Variants in CCT6B observed in about 807,000 individuals in gnomAD.
CCT6B encodes chaperonin containing TCP1 subunit 6B, also known as probable T-complex protein 1 subunit zeta-2.
Under a neutral mutation model 61.5 loss-of-function variants are expected in CCT6B, and 49 were observed. The observed-to-expected ratio is 0.80, with a 90% CI of 0.63 to 1.01. CCT6B has a LOEUF of 1.01. Among genes scored for constraint, CCT6B ranks in the 50% least tolerant of loss-of-function variants. CCT6B has a pLI of 0.00. For synonymous variants in CCT6B, 228 were observed against 214.5 expected, an observed-to-expected ratio of 1.06 and a Z score of -0.55; for missense variants, 666 against 634.7, an observed-to-expected ratio of 1.05 and a Z score of -0.53.
chr17:34,937,928 G>A (rs956512315), intron 10 of CCT6B, among the ~76,000 whole-genome samples: 8 of 148,618 alleles, frequency 5.4e-5, no homozygotes, highest in Admixed American at 2.0e-4. Context: ...TCACTCTGAC[G>A]CCCAGGCTGG....
At position 34,952,049 on chromosome 17, in the gene CCT6B, A is replaced by G; in HGVS notation, c.515T>C (p.Val172Ala). Residue 172 changes from valine to alanine, a missense_variant, in exon 5 of 14, where the codon GTG (valine) becomes GCG (alanine). Val to Ala is a moderately conservative substitution (Grantham distance 64). Transcript: ENST00000314144. ...AELADVLTEV[V>A]VDSVLAVRRP... ...TCTAACAGCCAAAACAGAATCCACCACAACCTGAAAGAGAAATGAATGAGA... is the reference window on the plus strand; with the variant it reads ...TCTAACAGCCAAAACAGAATCCACCGCAACCTGAAAGAGAAATGAATGAGA... The G allele has an allele frequency of 6.3e-7, 1 of 1,587,428 alleles. No homozygotes were observed. Among genetic ancestry groups the G allele is most frequent in the Non-Finnish European group, 8.6e-7 (1 of 1,156,884 alleles).
At chr17:34,940,319 G>A (rs1295121994) in intron 8 of CCT6B, among the ~76,000 whole-genome samples, 1 of 152,046 alleles carries the variant, frequency 6.6e-6, no homozygotes, top group African/African-American at 2.4e-5. Flanking sequence ...GTTTTAAAAA[G>A]ATAAAAACTT....
In CCT6B at chr17:34,940,539, C is replaced by T. The variant is rs2090151609; in HGVS notation, c.968G>A (p.Arg323Lys). 2 of 1,530,630 alleles carry T rather than the reference C, an allele frequency of 1.3e-6. No individual in the cohort carries two copies. Among genetic ancestry groups the T allele is most frequent in the African/African-American group, 1.4e-5 (1 of 71,862 alleles). The allele number at this position is 1,530,630 out of a possible 1,614,324, so 94.8% of individuals were successfully genotyped here. Residue 323 changes from arginine to lysine, a missense_variant and splice_region_variant, in exon 8 of 14, where the codon AGA becomes AAA. Coordinates refer to ENST00000314144, the MANE Select transcript of CCT6B (RefSeq NM_006584.4). ...LRRAKRRNMERLSLACGGMAV... is the reference protein window; with the variant it reads ...LRRAKRRNMEKLSLACGGMAV... The stretch of plus-strand genomic sequence containing the variant: ...GATATATAATTATCTGCAAGCTTAC[C>T]TTTCCATATTTCTTCTTTTTGCTCT...
At chr17:34,936,396 T>C (rs541193922) in intron 10 of CCT6B, among the ~76,000 whole-genome samples, 3 of 152,294 alleles carry the variant, frequency 2.0e-5, no homozygotes, top group South Asian at 4.1e-4. Flanking sequence ...GGAAAGGATG[T>C]CCATTCTCAT....
At position 34,951,363 on chromosome 17, in the gene CCT6B, G is replaced by A. The variant is rs185942676; in HGVS notation, c.614+587C>T. On this transcript the variant is annotated intron_variant, in intron 5 of 13. Coordinates refer to ENST00000314144, the MANE Select transcript of CCT6B (RefSeq NM_006584.4). ...TCAAAATAATCCTAGGTGGGAGGGG[G>A]AAAGAGGGAAGGGTATGCTTCATAT... is the stretch of plus-strand genomic sequence containing the variant. 4.3e-4 allele frequency among the ~76,000 whole-genome samples: 65 copies of A among 152,324 alleles called. No homozygotes were observed. The East Asian group carries it at 0.013, about 29-fold the overall frequency.
intron 5 of CCT6B, among the ~76,000 whole-genome samples, chr17:34,950,701 C>T (rs946440556): frequency 6.6e-6 from 1 of 152,096 alleles, no homozygotes; most frequent in African/African-American, 2.4e-5. Flanking sequence ...AAGGCCGAGG[C>T]GGGTGGATCA....
chr17:34,948,419 T>C (rs1459500227), intron 5 of CCT6B, among the ~76,000 whole-genome samples: 1 of 151,958 alleles, frequency 6.6e-6, no homozygotes, highest in Non-Finnish European at 1.5e-5. Context: ...CAAATACTAA[T>C]TAAAAGAAAA....
intron 3 of CCT6B, among the ~76,000 whole-genome samples, chr17:34,956,931 T>C (rs1044279809): frequency 2.6e-5 from 4 of 151,870 alleles, no homozygotes; most frequent in Non-Finnish European, 5.9e-5. Flanking sequence ...TGCCTCAGCC[T>C]CCCAAGTAGC....
intron 8 of CCT6B, 100 bp downstream of exon 8, chr17:34,940,439 T>C: frequency 1.5e-6 from 1 of 664,054 alleles, no homozygotes; most frequent in East Asian, 3.0e-5. Flanking sequence ...GCCACTGTTT[T>C]GTTCAACAAC....
At chr17:34,959,291 ATTTTTTT>A (rs1160595019) in intron 2 of CCT6B, among the ~76,000 whole-genome samples, 10 of 129,474 alleles carry the variant, frequency 7.7e-5, no homozygotes, top group Admixed American at 1.6e-4. Flanking sequence ...ACTGAGCAAA[ATTTTTTT>A]TTTTTTTTTT....
chr17:34,956,951 A>G (rs1194427132), intron 3 of CCT6B, among the ~76,000 whole-genome samples: 1 of 151,804 alleles, frequency 6.6e-6, no homozygotes, highest in Non-Finnish European at 1.5e-5. Context: ...CCAGGACCAC[A>G]TGCAGCATGC....
chr17:34,927,894 C>A lies in CCT6B; in HGVS notation c.*154G>T. The A allele has an allele frequency of 3.9e-6, 2 of 512,444 alleles. No homozygotes were observed. The highest frequency in any genetic ancestry group is 7.0e-6 in the Non-Finnish European group (2 of 285,692). The allele number at this position is 512,444 out of a possible 1,614,324, so 31.7% of individuals were successfully genotyped here. ...AAAAGTATTTATTGTGTTCTTTATA[C>A]CTTGATGAAATATTTTTGAGACTAT... On this transcript the variant is annotated 3_prime_UTR_variant, in exon 14 of 14. Transcript: ENST00000314144.
Position 34,961,292 on chromosome 17 carries a change from C to A in CCT6B, c.102G>T (p.Leu34=), listed in dbSNP as rs1322351152. The A allele has an allele frequency of 6.2e-7, 1 of 1,612,882 alleles. No homozygotes were observed. Among genetic ancestry groups the A allele is most frequent in the Non-Finnish European group, 8.5e-7 (1 of 1,179,768 alleles). The part of the protein sequence containing the change: ...ICAARGLQDV[L]RTNLGPKGTM... ...TGCCTTTAGGACCCAAGTTGGTCCG[C>A]AGCACATCCTGCAGCCCTCGGGCGG... Residue 34 remains leucine, a synonymous_variant, in exon 1 of 14, where the codon CTG becomes CTT. Coordinates refer to ENST00000314144, the MANE Select transcript of CCT6B (RefSeq NM_006584.4).
rs1597759740 is a variant in CCT6B at position 34,954,326 on chromosome 17, C to CA, written c.510+99dup. 21 of 930,430 alleles carry CA rather than the reference C, an allele frequency of 2.3e-5. No individual in the cohort carries two copies. The East Asian group carries it at 5.3e-4, about 24-fold the overall frequency. The allele number at this position is 930,430 out of a possible 1,614,324, so 57.6% of individuals were successfully genotyped here. ...TTGTCTGTCTTCCATATTTTATGCC[C>CA]AAAAAACCACATGAAATACTTGATT... is the stretch of plus-strand genomic sequence containing the variant. On this transcript the variant is annotated intron_variant, in intron 4 of 13. Coordinates refer to ENST00000314144, the MANE Select transcript of CCT6B (RefSeq NM_006584.4).
chr17:34,929,974 C>G (rs2090017574), intron 12 of CCT6B, among the ~76,000 whole-genome samples: 1 of 152,226 alleles, frequency 6.6e-6, no homozygotes, highest in African/African-American at 2.4e-5. Flanking sequence ...CCAGTATTCT[C>G]CACCACAGTT....
At chr17:34,956,257 T>C (rs1314221341) in intron 3 of CCT6B, among the ~76,000 whole-genome samples, 2 of 152,212 alleles carry the variant, frequency 1.3e-5, no homozygotes, top group East Asian at 1.9e-4. Flanking sequence ...TACAACACCA[T>C]GTTGCTTGTC....
At chr17:34,944,974 C>T (rs1376506271) in intron 5 of CCT6B, among the ~76,000 whole-genome samples, 1 of 152,222 alleles carries the variant, frequency 6.6e-6, no homozygotes, top group Non-Finnish European at 1.5e-5. Context: ...AATCAACTCT[C>T]AGTTCACGGC....
At chr17:34,942,417 C>G in intron 7 of CCT6B, 67 bp downstream of exon 7, 1 of 1,328,234 alleles carries the variant, frequency 7.5e-7, no homozygotes, top group South Asian at 1.3e-5. Context: ...TAGGGGTCCA[C>G]AGACCACACT....
chr17:34,953,335 ATATATATT>A (rs1414210059), intron 4 of CCT6B, among the ~76,000 whole-genome samples: 2 of 128,934 alleles, frequency 1.6e-5, no homozygotes, highest in Non-Finnish European at 3.3e-5. Context: ...ATATATATAT[ATATATATT>A]TTTTTGAGAC....
Sources: gnomAD v4.1 joint callset for allele counts (sites outside exome capture counted in the v4.1 genomes callset) on GRCh38, gnomAD v4.1.1 for gene constraint, MANE v1.5 for transcripts, NCBI Gene and HGNC (gene_info 2026-07-23, HGNC 2026-07-21) for gene names.